STXBP5L: variants seen among roughly 807,000 people sequenced by gnomAD.
The protein encoded by STXBP5L is syntaxin-binding protein 5-like.
STXBP5L carries 65 observed loss-of-function variants against 144.5 expected under a neutral mutation model. The ratio of observed to expected loss-of-function variants is 0.45; its 90% confidence interval spans 0.37 to 0.55. The LOEUF is 0.55. STXBP5L is among the 20% of genes least tolerant of loss of function. STXBP5L has a pLI of 0.00. For missense variants in STXBP5L, 1,298 were observed against 1,405.5 expected, an observed-to-expected ratio of 0.92 and a Z score of 1.22; for synonymous variants, 505 against 469.6, an observed-to-expected ratio of 1.08 and a Z score of -0.97.
intron 9 of STXBP5L, among the ~76,000 whole-genome samples, chr3:121,162,916 AAAC>A (rs2046373180): frequency 6.6e-6 from 1 of 152,214 alleles, no homozygotes; most frequent in Non-Finnish European, 1.5e-5. Flanking sequence ...AAAAGTCAGG[AAAC>A]AACAGATGCT....
chr3:121,419,300 GCTGAATT>G lies in STXBP5L; in HGVS notation c.*204_*210del, dbSNP rs1227282718. ...GCCCTGGTTAAAATCCCAAAATACG[GCTGAATT>G]TGCCTTTTCCCATGTGGAATGGAGC... On this transcript the variant is annotated 3_prime_UTR_variant, in exon 27 of 27. Coordinates refer to ENST00000471454, the MANE Select transcript of STXBP5L (RefSeq NM_001308330.2). 4.2e-6 allele frequency: 2 copies of G among 476,624 alleles called. No homozygotes were observed. Among genetic ancestry groups the G allele is most frequent in the African/African-American group, 4.0e-5 (2 of 49,608 alleles). The allele number at this position is 476,624 out of a possible 1,614,324, so 29.5% of individuals were successfully genotyped here. A position where few individuals can be genotyped will look rare whatever the true frequency, so the allele number is the denominator to read the frequency against.
At chr3:121,077,908 T>C (rs147400009) in intron 5 of STXBP5L, among the ~76,000 whole-genome samples, 2,898 of 141,002 alleles carry the variant, frequency 0.021, 98 homozygotes, top group African/African-American at 0.073. Context: ...TACAGAGTGC[T>C]GATTTGTGTA....
chr3:121,350,188 TA>T (rs1490097820), intron 20 of STXBP5L, among the ~76,000 whole-genome samples: 23 of 152,188 alleles, frequency 1.5e-4, no homozygotes, highest in Admixed American at 1.5e-3. Flanking sequence ...TACTTGTCTG[TA>T]AAGGATCTTA....
chr3:121,150,328 G>T (rs2045887843), intron 7 of STXBP5L, among the ~76,000 whole-genome samples: 1 of 151,930 alleles, frequency 6.6e-6, no homozygotes, highest in Non-Finnish European at 1.5e-5. Context: ...TGTGGTTTGG[G>T]CATTGTTCCT....
chr3:120,974,824 G>C (rs980029439), intron 3 of STXBP5L, among the ~76,000 whole-genome samples: 12 of 152,104 alleles, frequency 7.9e-5, no homozygotes, highest in Admixed American at 4.6e-4. Context: ...TCTTGTTTTT[G>C]TCAGGTTTGT....
chr3:121,141,992 C>A (rs895685812), intron 7 of STXBP5L, among the ~76,000 whole-genome samples: 1 of 151,810 alleles, frequency 6.6e-6, no homozygotes, highest in African/African-American at 2.4e-5. Flanking sequence ...AAATAAAAAA[C>A]AAGACCCAAC....
At chr3:121,360,733 T>C (rs1336353025) in intron 20 of STXBP5L, among the ~76,000 whole-genome samples, 4 of 152,190 alleles carry the variant, frequency 2.6e-5, no homozygotes, top group Non-Finnish European at 5.9e-5. Context: ...TTTCTATTTA[T>C]GTCTTATTGT....
intron 5 of STXBP5L, among the ~76,000 whole-genome samples, chr3:121,094,322 A>G (rs1370765144): frequency 3.3e-5 from 5 of 152,092 alleles, no homozygotes; most frequent in Non-Finnish European, 4.4e-5. Flanking sequence ...ATTCCTGGGT[A>G]TCCTTGTCGA....
intron 19 of STXBP5L, among the ~76,000 whole-genome samples, chr3:121,314,014 A>G (rs1238341908): frequency 6.6e-6 from 1 of 150,794 alleles, no homozygotes; most frequent in Non-Finnish European, 1.5e-5. Flanking sequence ...CCAGGCAGAG[A>G]CGCTCCTCAC....
chr3:120,985,307 G>A (rs1214289778), intron 3 of STXBP5L, among the ~76,000 whole-genome samples: 1 of 151,990 alleles, frequency 6.6e-6, no homozygotes, highest in African/African-American at 2.4e-5. Context: ...GTCAGGAGAT[G>A]TCTTTTGTAT....
intron 12 of STXBP5L, among the ~76,000 whole-genome samples, chr3:121,236,422 C>T (rs568775451): frequency 6.6e-6 from 1 of 152,298 alleles, no homozygotes; most frequent in Admixed American, 6.5e-5. Context: ...GGTTGAGTGT[C>T]TGCCTCTGTT....
intron 11 of STXBP5L, among the ~76,000 whole-genome samples, chr3:121,225,208 C>G (rs563337472): frequency 1.3e-5 from 2 of 152,066 alleles, no homozygotes; most frequent in Non-Finnish European, 2.9e-5. Flanking sequence ...TAATCTAGCT[C>G]CTTCATTAGA....
At chr3:120,987,122 C>G (rs1008969336) in intron 3 of STXBP5L, among the ~76,000 whole-genome samples, 1 of 151,934 alleles carries the variant, frequency 6.6e-6, no homozygotes, top group Non-Finnish European at 1.5e-5. Context: ...CATATTGAGA[C>G]ACATTATAAT....
chr3:121,235,822 CACACACACACACACACACAT>C (rs1430966528), intron 12 of STXBP5L, among the ~76,000 whole-genome samples: 2 of 138,200 alleles, frequency 1.4e-5, no homozygotes, highest in Non-Finnish European at 3.2e-5. Context: ...CCAGAACACA[CACACACACACACACACACAT>C]ACACACACAC....
At chr3:121,352,164 C>T (rs1560009556) in intron 20 of STXBP5L, among the ~76,000 whole-genome samples, 1 of 152,064 alleles carries the variant, frequency 6.6e-6, no homozygotes, top group African/African-American at 2.4e-5. Flanking sequence ...CTTGGCAATG[C>T]AGGATCTTTT....
At chr3:121,250,972 G>A (rs1434689655) in intron 15 of STXBP5L, among the ~76,000 whole-genome samples, 3 of 152,130 alleles carry the variant, frequency 2.0e-5, no homozygotes, top group African/African-American at 7.2e-5. Flanking sequence ...AGGTAAACAA[G>A]ACTAAGTCAC....
chr3:121,408,575 A>G (rs943635145), intron 23 of STXBP5L, among the ~76,000 whole-genome samples: 5 of 152,038 alleles, frequency 3.3e-5, no homozygotes, highest in Non-Finnish European at 5.9e-5. Context: ...TTGAACATGT[A>G]TTATAAATGA....
chr3:121,031,029 T>G (rs1423281262), intron 3 of STXBP5L, among the ~76,000 whole-genome samples: 2 of 152,098 alleles, frequency 1.3e-5, no homozygotes, highest in Admixed American at 1.3e-4. Context: ...AAACAAATTA[T>G]GATCTCTTCT....
chr3:121,085,348 G>T (rs1418069734), intron 5 of STXBP5L, among the ~76,000 whole-genome samples: 1 of 151,956 alleles, frequency 6.6e-6, no homozygotes, highest in Non-Finnish European at 1.5e-5. Flanking sequence ...AATAGTTTTT[G>T]GTTTTACAAA....
Sources: gnomAD v4.1 joint callset for allele counts (sites outside exome capture counted in the v4.1 genomes callset) on GRCh38, gnomAD v4.1.1 for gene constraint, MANE v1.5 for transcripts, NCBI Gene and HGNC (gene_info 2026-07-23, HGNC 2026-07-21) for gene names.